ZNF578: variants seen among roughly 807,000 people sequenced by gnomAD.
The protein encoded by ZNF578 is zinc finger protein 578, also known as Putative chemokine-related protein B42.
A neutral mutation model predicts 8.3 loss-of-function variants in ZNF578; 8 were observed. The ratio of observed to expected loss-of-function variants is 0.96; its 90% CI spans 0.56 to 1.74. ZNF578 has a LOEUF of 1.74. ZNF578 is among the 40% of genes most tolerant of loss of function. The pLI, the probability that ZNF578 is intolerant of heterozygous loss-of-function variation, is 0.00. For missense variants in ZNF578, 726 were observed against 707.5 expected (o/e 1.03, Z -0.30); for synonymous variants, 206 against 232.2 (o/e 0.89, Z 1.03).
chr19:52,497,691 A>T (rs2059391842), intron 3 of ZNF578, among the ~76,000 whole-genome samples: 1 of 152,180 alleles, frequency 6.6e-6, no homozygotes, highest in African/African-American at 2.4e-5. Context: ...AACATTTTCT[A>T]CTATGTGATA....
intron 2 of ZNF578, among the ~76,000 whole-genome samples, chr19:52,463,759 G>T (rs922784597): frequency 1.3e-5 from 2 of 152,096 alleles, no homozygotes; most frequent in Non-Finnish European, 2.9e-5. Context: ...CTGTAATTTA[G>T]CTGTTTGGGC....
At chr19:52,497,180 A>G (rs972241356) in intron 3 of ZNF578, among the ~76,000 whole-genome samples, 5 of 151,726 alleles carry the variant, frequency 3.3e-5, no homozygotes, top group African/African-American at 4.8e-5. Flanking sequence ...TCTCACTGCA[A>G]CCTCCGCCTC....
At chr19:52,471,484 C>T (rs140839499) in intron 2 of ZNF578, among the ~76,000 whole-genome samples, 17 of 152,326 alleles carry the variant, frequency 1.1e-4, no homozygotes, top group African/African-American at 3.6e-4. Flanking sequence ...TGCACTCCCT[C>T]TTTGTATTCT....
At chr19:52,479,311 A>G (rs76888613) in intron 2 of ZNF578, among the ~76,000 whole-genome samples, 15,157 of 151,820 alleles carry the variant, frequency 0.1, 1,292 homozygotes, top group East Asian at 0.33. Context: ...CGAGGCGGGC[A>G]GATCATGAGG....
At chr19:52,475,345 CT>C (rs34427550) in intron 2 of ZNF578, 16,900 of 168,660 alleles carry the variant, frequency 0.1, 1,513 homozygotes, top group East Asian at 0.35. Flanking sequence ...TCTTTCTTTT[CT>C]TTCTTTCTTT....
chr19:52,459,713 A>ATGTGTGTGTATATGTG (rs2059250691), intron 2 of ZNF578, among the ~76,000 whole-genome samples: 1 of 18,234 alleles, frequency 5.5e-5, no homozygotes, highest in Non-Finnish European at 1.4e-4. Flanking sequence ...ATATGTAGAT[A>ATGTGTGTGTATATGTG]TGTGTGTGTG....
At chr19:52,479,449 G>C (rs2059318482) in intron 2 of ZNF578, among the ~76,000 whole-genome samples, 1 of 151,380 alleles carries the variant, frequency 6.6e-6, no homozygotes, top group Non-Finnish European at 1.5e-5. Context: ...GCAGGAGAAT[G>C]GTGAGAACCT....
Position 52,514,257 on chromosome 19 carries a change from C to CT in ZNF578, c.*2105dup, listed in dbSNP as rs1326251763. Among the ~76,000 whole-genome samples the CT allele has an allele frequency of 1.3e-5, 2 of 152,136 alleles. No homozygotes were observed. The highest frequency in any genetic ancestry group is 4.8e-5 in the African/African-American group (2 of 41,416). On this transcript the variant is annotated 3_prime_UTR_variant, in exon 6 of 6. Transcript: ENST00000421239. ...TCAGCTCACATCATTCGTTTCTGTA[C>CT]TTGTATATTTTCCAGTTGTTTTCCG...
chr19:52,512,016 C>G lies in ZNF578; in HGVS notation c.1635C>G (p.Asp545Glu). 1 of 1,614,050 alleles carries G rather than the reference C, an allele frequency of 6.2e-7. No individual in the cohort carries two copies. Among genetic ancestry groups the G allele is most frequent in the Non-Finnish European group, 8.5e-7 (1 of 1,180,018 alleles). The change falls in exon 6 of 6, where the codon GAC (aspartate) becomes GAG (glutamate). Residue 545 changes from aspartate (D) to glutamate (E), a missense_variant. Coordinates refer to ENST00000421239, the MANE Select transcript of ZNF578 (RefSeq NM_001099694.2). The stretch of plus-strand genomic sequence containing the variant: ...AACCTTACAAATGTAAGGTTTGTGA[C>G]AAGGCTTTCATGTGCCATTCTTATC... The part of the protein sequence containing the change: ...GEKPYKCKVC[D>E]KAFMCHSYLA...
chr19:52,497,468 G>C (rs1232040015), intron 3 of ZNF578, among the ~76,000 whole-genome samples: 1 of 152,168 alleles, frequency 6.6e-6, no homozygotes, highest in Non-Finnish European at 1.5e-5. Context: ...TGGTCTTCCT[G>C]CCCTGGCCTC....
At chr19:52,458,721 T>TTA (rs1016354325) in intron 2 of ZNF578, 3 of 152,022 alleles carry the variant, frequency 2.0e-5, no homozygotes, top group Non-Finnish European at 4.4e-5. Context: ...AATCTTTCAT[T>TTA]TATACCTTCT....
At position 52,511,201 on chromosome 19, in the gene ZNF578, C is replaced by G. The variant is rs769466312; in HGVS notation, c.820C>G (p.Leu274Val). 8.1e-6 allele frequency: 13 copies of G among 1,614,194 alleles called. No individual in the cohort carries two copies. Among genetic ancestry groups the G allele is most frequent in the Non-Finnish European group, 1.1e-5 (13 of 1,180,032 alleles). The change falls in exon 6 of 6, where the codon CTT becomes GTT. Residue 274 changes from leucine (L) to valine (V), a missense_variant. Physicochemically the swap from Leu to Val is conservative, Grantham distance 32. Coordinates refer to ENST00000421239, the MANE Select transcript of ZNF578 (RefSeq NM_001099694.2). ...CAAAGTCTTTAATGAGAAGCGATAC[C>G]TTGCACGCCATCGTAGATGTCACAC... Reference protein sequence around the residue: ...CGKVFNEKRYLARHRRCHTSE... With the variant: ...CGKVFNEKRYVARHRRCHTSE...
chr19:52,497,074 A>G (rs2059389569), intron 3 of ZNF578, among the ~76,000 whole-genome samples: 1 of 151,904 alleles, frequency 6.6e-6, no homozygotes, highest in Admixed American at 6.6e-5. Context: ...CTGGGGCCAC[A>G]GGCACGCCCC....
chr19:52,473,691 AG>A, intron 2 of ZNF578: 1 of 219,448 alleles, frequency 4.6e-6, no homozygotes, highest in Non-Finnish European at 9.0e-6. Flanking sequence ...ATTGTTAAGG[AG>A]AACTTGTTCC....
At chr19:52,485,923 A>T (rs1371360433) in intron 2 of ZNF578, among the ~76,000 whole-genome samples, 1 of 152,080 alleles carries the variant, frequency 6.6e-6, no homozygotes, top group Admixed American at 6.6e-5. Context: ...GTGGGAAGGG[A>T]AAGACCCGAC....
rs2059466201 is a variant in ZNF578, at chr19:52,514,848, A to T, written c.*2694A>T. On this transcript the variant is annotated 3_prime_UTR_variant, in exon 6 of 6. Coordinates refer to ENST00000421239, the MANE Select transcript of ZNF578 (RefSeq NM_001099694.2). The stretch of plus-strand genomic sequence containing the variant: ...CAGCTAGTTTTTGTATTTTTAGTAG[A>T]GACAGGGTTTCACCATGTTTGTCAG... 6.6e-6 allele frequency among the ~76,000 whole-genome samples: 1 copy of T among 151,906 alleles called. No homozygotes were observed. Among genetic ancestry groups the T allele is most frequent in the Non-Finnish European group, 1.5e-5 (1 of 68,002 alleles).
At chr19:52,481,980 G>C (rs1172361386) in intron 2 of ZNF578, among the ~76,000 whole-genome samples, 1 of 151,992 alleles carries the variant, frequency 6.6e-6, no homozygotes, top group Non-Finnish European at 1.5e-5. Context: ...GGATCCTCCT[G>C]CCTTGGCCTC....
At chr19:52,478,806 C>T (rs1025122713) in intron 2 of ZNF578, among the ~76,000 whole-genome samples, 2 of 151,864 alleles carry the variant, frequency 1.3e-5, no homozygotes, top group Non-Finnish European at 2.9e-5. Flanking sequence ...CTCTGCCTCC[C>T]GGGTTCAAGC....
In ZNF578 at chr19:52,514,953, G is replaced by A. The variant is rs573196342; in HGVS notation, c.*2799G>A. ...TGGGATTACAGGCATGAGCTACCAC[G>A]TCGAGACTCTTTTTTTTTTTTTTTT... is the stretch of plus-strand genomic sequence containing the variant. On this transcript the variant is annotated 3_prime_UTR_variant, in exon 6 of 6. Transcript: ENST00000421239. Among the ~76,000 whole-genome samples, 313 of 142,696 alleles carry A rather than the reference G, an allele frequency of 2.2e-3. 2 individuals are homozygous for A. Among genetic ancestry groups the A allele is most frequent in the African/African-American group, 7.8e-3 (298 of 38,436 alleles). 93.6% of individuals were successfully genotyped at this position (142,696 alleles called of 152,430 possible). A position where few individuals can be genotyped will look rare whatever the true frequency, so the allele number is the denominator to read the frequency against.
Sources: allele counts gnomAD v4.1 joint callset (sites outside exome capture counted in the v4.1 genomes callset), GRCh38; gene constraint gnomAD v4.1.1; transcripts MANE v1.5; gene names NCBI Gene and HGNC (gene_info 2026-07-23, HGNC 2026-07-21).